STK10: variants seen among roughly 807,000 people sequenced by gnomAD.
STK10 encodes serine/threonine kinase 10, also known as serine/threonine-protein kinase 10.
Under a neutral mutation model 113.8 loss-of-function variants are expected in STK10, and 78 were observed. The observed-to-expected ratio is 0.69, with a 90% CI of 0.57 to 0.83. The LOEUF (loss-of-function observed/expected upper bound fraction) is 0.83, where lower values mean the gene tolerates loss of function less well. STK10 is among the 40% of genes least tolerant of loss of function. The pLI is 0.00. For synonymous variants in STK10, 465 were observed against 494.7 expected, an observed-to-expected ratio of 0.94 and a Z score of 0.80; for missense variants, 1,109 against 1,280.1, an observed-to-expected ratio of 0.87 and a Z score of 2.04.
At position 172,055,783 on chromosome 5, in the gene STK10, A is replaced by G. The variant is rs747572055; in HGVS notation, c.2338-7T>C. The stretch of plus-strand genomic sequence containing the variant: ...GCTGCATCTGCTCCCGCTCCTGGAG[A>G]GGAATATCCAGAGGGGCTGAGGGCA... On this transcript the variant is annotated splice_region_variant and splice_polypyrimidine_tract_variant and intron_variant, in intron 15 of 18. Transcript: ENST00000176763. 5 of 1,472,594 alleles carry G rather than the reference A, an allele frequency of 3.4e-6. No homozygotes were observed. The highest frequency in any genetic ancestry group is 4.5e-6 in the Non-Finnish European group (5 of 1,101,654). The allele number at this position is 1,472,594 out of a possible 1,614,324, so 91.2% of individuals were successfully genotyped here.
At chr5:172,173,691 A>C (rs1232404255) in intron 1 of STK10, among the ~76,000 whole-genome samples, 2 of 152,046 alleles carry the variant, frequency 1.3e-5, no homozygotes, top group African/African-American at 4.8e-5. Flanking sequence ...ACATCCCTCC[A>C]CCCAGAAGCA....
chr5:172,117,438 C>T (rs1769411815), intron 4 of STK10, 43 bp downstream of exon 4: 1 of 1,603,272 alleles, frequency 6.2e-7, no homozygotes, highest in African/African-American at 1.3e-5. Context: ...CACCCCCAGG[C>T]AGACACCCTG....
chr5:172,154,131 G>A (rs960896837), intron 2 of STK10, among the ~76,000 whole-genome samples: 1 of 152,232 alleles, frequency 6.6e-6, no homozygotes, highest in Non-Finnish European at 1.5e-5. Context: ...GAGCATCAGA[G>A]TCACTTAGAT....
intron 2 of STK10, among the ~76,000 whole-genome samples, chr5:172,135,619 A>G (rs1769838547): frequency 6.6e-6 from 1 of 152,212 alleles, no homozygotes; most frequent in South Asian, 2.1e-4. Context: ...GCACTTTGGG[A>G]GAGTCCGGCA....
intron 1 of STK10, among the ~76,000 whole-genome samples, chr5:172,186,271 G>A (rs897965777): frequency 6.6e-6 from 1 of 151,810 alleles, no homozygotes; most frequent in Admixed American, 6.6e-5. Flanking sequence ...GTGAGACTCC[G>A]TCTCACAAAA....
intron 2 of STK10, among the ~76,000 whole-genome samples, chr5:172,142,019 G>A (rs764281582): frequency 9.9e-5 from 15 of 152,172 alleles, no homozygotes; most frequent in Non-Finnish European, 2.1e-4. Flanking sequence ...TAGCCACTGG[G>A]AATACAGCAG....
chr5:172,147,470 C>T (rs748373914), intron 2 of STK10, among the ~76,000 whole-genome samples: 17 of 151,968 alleles, frequency 1.1e-4, no homozygotes, highest in Non-Finnish European at 1.6e-4. Flanking sequence ...CGGCTCTCTG[C>T]AACCTCTGCC....
At chr5:172,102,711 G>A (rs1002772932) in intron 7 of STK10, among the ~76,000 whole-genome samples, 5 of 152,152 alleles carry the variant, frequency 3.3e-5, no homozygotes, top group Non-Finnish European at 4.4e-5. Context: ...CACAGAAACC[G>A]CTGACAACCT....
intron 3 of STK10, among the ~76,000 whole-genome samples, chr5:172,121,405 T>C (rs1345401459): frequency 6.6e-6 from 1 of 152,112 alleles, no homozygotes; most frequent in African/African-American, 2.4e-5. Flanking sequence ...GGGCAGTGGA[T>C]CACGGCCCAC....
chr5:172,075,586 A>C (rs928597209), intron 12 of STK10, among the ~76,000 whole-genome samples: 1 of 152,220 alleles, frequency 6.6e-6, no homozygotes, highest in Admixed American at 6.5e-5. Flanking sequence ...CTGAGGCAGG[A>C]GAATCGCTTG....
chr5:172,105,907 T>C (rs1737817899), intron 6 of STK10, among the ~76,000 whole-genome samples, 170 bp from the exon 7 acceptor site: 1 of 152,160 alleles, frequency 6.6e-6, no homozygotes, highest in Admixed American at 6.5e-5. Flanking sequence ...TGGACACCAC[T>C]GTCCAGATGG....
chr5:172,107,096 C>A (rs1379686896), intron 5 of STK10: 2 of 178,268 alleles, frequency 1.1e-5, no homozygotes, highest in African/African-American at 2.5e-5. Context: ...CGGGTGGGAG[C>A]GGAGGGGAAG....
chr5:172,083,039 A>G lies in STK10; in HGVS notation c.1731T>C (p.His577=), dbSNP rs765396688. Residue 577 remains histidine, a synonymous_variant, in exon 11 of 19, where the codon CAT becomes CAC. Transcript: ENST00000176763. ...TGTTACTCAGCTGGGTCTGGTTCCGATGCTCTTCTTTCTGGAGCAGCCGAA... is the reference window on the plus strand; with the variant it reads ...TGTTACTCAGCTGGGTCTGGTTCCGGTGCTCTTCTTTCTGGAGCAGCCGAA... The part of the protein sequence containing the change: ...RELRLLQKEE[H]RNQTQLSNKH... 2 of 1,614,056 alleles carry G rather than the reference A, an allele frequency of 1.2e-6. No individual in the cohort carries two copies. The highest frequency in any genetic ancestry group is 3.3e-5 in the Admixed American group (2 of 60,004).
chr5:172,166,620 CAA>C (rs1450667598), intron 1 of STK10, among the ~76,000 whole-genome samples: 4 of 152,230 alleles, frequency 2.6e-5, no homozygotes, highest in African/African-American at 9.6e-5. Flanking sequence ...ATTCTTCTGC[CAA>C]AAGAATCTTC....
chr5:172,155,723 G>A (rs1370956552), intron 2 of STK10, among the ~76,000 whole-genome samples: 1 of 152,002 alleles, frequency 6.6e-6, no homozygotes, highest in Non-Finnish European at 1.5e-5. Context: ...GACTGGGCAT[G>A]GTGGCTAACA....
At chr5:172,100,718 C>A (rs1561807397) in intron 7 of STK10, among the ~76,000 whole-genome samples, 1 of 151,916 alleles carries the variant, frequency 6.6e-6, no homozygotes, top group South Asian at 2.1e-4. Context: ...ACCCAGGAGG[C>A]GGAGATTGCA....
chr5:172,127,627 C>T (rs1259149162), intron 2 of STK10, among the ~76,000 whole-genome samples: 7 of 152,202 alleles, frequency 4.6e-5, no homozygotes, highest in Non-Finnish European at 2.9e-5. Context: ...CCCAGAGGAG[C>T]TTCTTGGCTG....
intron 4 of STK10, among the ~76,000 whole-genome samples, chr5:172,116,063 TTGTTTTTTTG>T (rs1256187451): frequency 5.3e-5 from 8 of 151,406 alleles, no homozygotes; most frequent in African/African-American, 2.0e-4. Flanking sequence ...TATGTGTTGT[TTGTTTTTTTG>T]TTTTTGTTTT....
At chr5:172,090,113 T>A in intron 10 of STK10, 119 bp downstream of exon 10, 1 of 1,446,228 alleles carries the variant, frequency 6.9e-7, no homozygotes, top group Non-Finnish European at 9.3e-7. Context: ...TCCTTTTGCC[T>A]CCTTGATTCC....
Sources: gnomAD v4.1 joint callset for allele counts (sites outside exome capture counted in the v4.1 genomes callset) on GRCh38, gnomAD v4.1.1 for gene constraint, MANE v1.5 for transcripts, NCBI Gene and HGNC (gene_info 2026-07-23, HGNC 2026-07-21) for gene names.